Variants in KCNIP4 observed in about 807,000 individuals in gnomAD.
The protein encoded by KCNIP4 is Kv channel-interacting protein 4.
Under a neutral mutation model 34.0 loss-of-function variants are expected in KCNIP4, and 12 were observed. The observed-to-expected ratio is 0.35, with a 90% CI of 0.23 to 0.57. The LOEUF (loss-of-function observed/expected upper bound fraction) is 0.57, where lower values mean the gene tolerates loss of function less well. Ranked by LOEUF, KCNIP4 falls within the 20% of genes least tolerant of loss-of-function variation. The pLI, the probability that KCNIP4 is intolerant of heterozygous loss-of-function variation, is 0.83. For synonymous variants in KCNIP4, 124 were observed against 102.2 expected (o/e 1.21, Z -1.29); for missense variants, 238 against 311.7 (o/e 0.76, Z 1.78).
At chr4:21,386,295 TAA>T (rs969328505) in intron 1 of KCNIP4, among the ~76,000 whole-genome samples, 4 of 152,122 alleles carry the variant, frequency 2.6e-5, no homozygotes, top group African/African-American at 9.7e-5. Flanking sequence ...AAATAGTATA[TAA>T]GAGAGATGAT....
intron 3 of KCNIP4, among the ~76,000 whole-genome samples, chr4:20,780,585 G>A (rs146731637): frequency 5.9e-5 from 9 of 152,272 alleles, no homozygotes; most frequent in African/African-American, 2.2e-4. Context: ...TTAACATGAT[G>A]CTGGTGAGGC....
At chr4:20,950,008 TAATA>T (rs539865553) in intron 1 of KCNIP4, among the ~76,000 whole-genome samples, 309 of 141,604 alleles carry the variant, frequency 2.2e-3, no homozygotes, top group African/African-American at 7.3e-3. Flanking sequence ...TAAAGTATAA[TAATA>T]AATAAATAAA....
At chr4:21,612,703 G>A (rs540115551) in intron 1 of KCNIP4, among the ~76,000 whole-genome samples, 130 of 152,232 alleles carry the variant, frequency 8.5e-4, no homozygotes, top group Non-Finnish European at 1.4e-3. Context: ...AAATGGACAC[G>A]CAAAATCAAA....
intron 1 of KCNIP4, among the ~76,000 whole-genome samples, chr4:21,008,928 A>G (rs1738819308): frequency 6.6e-6 from 1 of 152,040 alleles, no homozygotes; most frequent in African/African-American, 2.4e-5. Context: ...TTAGACTCCC[A>G]CATCCCTTTC....
intron 1 of KCNIP4, among the ~76,000 whole-genome samples, chr4:21,393,208 C>T (rs1722706327): frequency 6.6e-6 from 1 of 152,148 alleles, no homozygotes; most frequent in Admixed American, 6.5e-5. Flanking sequence ...TCAGAATAGA[C>T]ATTTATCCCT....
chr4:20,935,468 TCCTA>T (rs1301964101), intron 1 of KCNIP4, among the ~76,000 whole-genome samples: 4 of 152,160 alleles, frequency 2.6e-5, no homozygotes, highest in Non-Finnish European at 4.4e-5. Flanking sequence ...ACCCTGTCAA[TCCTA>T]CCTCTTAGAA....
intron 1 of KCNIP4, among the ~76,000 whole-genome samples, chr4:21,372,389 G>GATAGATAT (rs1560339670): frequency 6.8e-6 from 1 of 146,972 alleles, no homozygotes; most frequent in Non-Finnish European, 1.5e-5. Context: ...TAGATAGATA[G>GATAGATAT]ATAGTTAGAT....
At chr4:21,361,302 C>T (rs1052855415) in intron 1 of KCNIP4, among the ~76,000 whole-genome samples, 2 of 152,016 alleles carry the variant, frequency 1.3e-5, no homozygotes, top group Non-Finnish European at 1.5e-5. Context: ...CCTATTTCAT[C>T]ATAATGAAAT....
At position 21,799,458 on chromosome 4, in the gene KCNIP4, T is replaced by G. The variant is rs574066863; in HGVS notation, c.61+149113A>C. On this transcript the variant is annotated intron_variant, in intron 1 of 8. Coordinates refer to ENST00000382152, the MANE Select transcript of KCNIP4 (RefSeq NM_025221.6). ...TATTAGCTTTCGTAATCTTTGACAT[T>G]AATATTGGTCAAAAGCTATATGATA... Among the ~76,000 whole-genome samples, 391 of 152,300 alleles carry G rather than the reference T, an allele frequency of 2.6e-3. 3 individuals are homozygous for G. The highest frequency in any genetic ancestry group is 9.0e-3 in the African/African-American group (376 of 41,574).
chr4:20,745,028 C>A (rs1029877020), intron 5 of KCNIP4, among the ~76,000 whole-genome samples: 6 of 152,140 alleles, frequency 3.9e-5, no homozygotes, highest in African/African-American at 1.4e-4. Context: ...AAGAATGACT[C>A]CCCAGACTCA....
At chr4:21,932,543 T>C (rs1729630877) in intron 1 of KCNIP4, among the ~76,000 whole-genome samples, 1 of 152,120 alleles carries the variant, frequency 6.6e-6, no homozygotes, top group African/African-American at 2.4e-5. Flanking sequence ...CTTTAAAGTC[T>C]TCTATATCAG....
At chr4:20,857,942 C>T (rs1721778286) in intron 2 of KCNIP4, among the ~76,000 whole-genome samples, 1 of 151,996 alleles carries the variant, frequency 6.6e-6, no homozygotes, top group Non-Finnish European at 1.5e-5. Context: ...GGCGTGGTGG[C>T]TCACACCTGT....
At chr4:21,182,795 T>C (rs889195532) in intron 1 of KCNIP4, among the ~76,000 whole-genome samples, 1 of 152,142 alleles carries the variant, frequency 6.6e-6, no homozygotes, top group African/African-American at 2.4e-5. Context: ...ATATGTAACA[T>C]GATGTTTTGA....
At chr4:21,166,854 G>A (rs960289247) in intron 1 of KCNIP4, among the ~76,000 whole-genome samples, 36 of 144,764 alleles carry the variant, frequency 2.5e-4, no homozygotes, top group Non-Finnish European at 3.4e-4. Context: ...CAAGAGAATC[G>A]CTTGAACCTG....
In KCNIP4 at chr4:21,673,156, T is replaced by C. The variant is rs796281442; in HGVS notation, c.61+275415A>G. 9.8e-5 allele frequency among the ~76,000 whole-genome samples: 15 copies of C among 152,344 alleles called. No individual in the cohort carries two copies. In the South Asian group the frequency reaches 1.2e-3, roughly 13 times the overall value. On this transcript the variant is annotated intron_variant, in intron 1 of 8. Coordinates refer to ENST00000382152, the MANE Select transcript of KCNIP4 (RefSeq NM_025221.6). ...GAATACCAGGAGGTGGGGATACTTG[T>C]AAGCAACTAGCATTTATATAACATC...
chr4:21,511,421 G>T (rs1734303656), intron 1 of KCNIP4, among the ~76,000 whole-genome samples: 1 of 151,832 alleles, frequency 6.6e-6, no homozygotes, highest in Non-Finnish European at 1.5e-5. Context: ...TTCTAGAAAT[G>T]CTTGAAAATA....
intron 1 of KCNIP4, among the ~76,000 whole-genome samples, chr4:21,864,544 G>C (rs1389323204): frequency 1.3e-5 from 2 of 152,156 alleles, no homozygotes; most frequent in Non-Finnish European, 2.9e-5. Flanking sequence ...GATTCCTCCA[G>C]TTATTAGATA....
chr4:20,769,790 T>G (rs1755714960), intron 3 of KCNIP4, among the ~76,000 whole-genome samples: 1 of 152,142 alleles, frequency 6.6e-6, no homozygotes, highest in Non-Finnish European at 1.5e-5. Context: ...AGGGCCCAGG[T>G]CCCTGTAACC....
At chr4:20,787,723 G>C (rs893524036) in intron 3 of KCNIP4, among the ~76,000 whole-genome samples, 1 of 151,996 alleles carries the variant, frequency 6.6e-6, no homozygotes, top group Non-Finnish European at 1.5e-5. Flanking sequence ...TTAGTAGTAA[G>C]ATCAATGTTA....
Sources: gnomAD v4.1 joint callset for allele counts (sites outside exome capture counted in the v4.1 genomes callset) on GRCh38, gnomAD v4.1.1 for gene constraint, MANE v1.5 for transcripts, NCBI Gene and HGNC (gene_info 2026-07-23, HGNC 2026-07-21) for gene names.